Variants in DNASE1 observed in about 807,000 individuals in gnomAD.
DNASE1 encodes deoxyribonuclease 1.
A neutral mutation model predicts 33.9 loss-of-function variants in DNASE1; 40 were observed. That is an observed-to-expected ratio of 1.18 (90% CI 0.92 to 1.54). The LOEUF is 1.54. Among genes scored for constraint, DNASE1 ranks in the 40% most tolerant of loss-of-function variants. The pLI is 0.00. For missense variants in DNASE1, 518 were observed against 372.6 expected, an observed-to-expected ratio of 1.39 and a Z score of -3.21; for synonymous variants, 216 against 160.0, an observed-to-expected ratio of 1.35 and a Z score of -2.64.
exon 10 of DNASE1, chr16:3,663,432 C>A: frequency 6.2e-7 from 1 of 1,614,150 alleles, no homozygotes; most frequent in Non-Finnish European, 8.5e-7. Context: ...ACCTGGGGAC[C>A]TGTCCTCAAA....
chr16:3,648,811 T>G (rs959665301), intron 1 of DNASE1, among the ~76,000 whole-genome samples: 1 of 152,224 alleles, frequency 6.6e-6, no homozygotes, highest in African/African-American at 2.4e-5. Context: ...AATAAAAGAT[T>G]GGATGTTTTA....
intron 1 of DNASE1, among the ~76,000 whole-genome samples, chr16:3,622,823 G>A (rs1285666618): frequency 6.6e-6 from 1 of 152,052 alleles, no homozygotes; most frequent in Non-Finnish European, 1.5e-5. Flanking sequence ...AACTTTTCTT[G>A]TATGCACATA....
chr16:3,657,762 C>T lies in DNASE1; in HGVS notation c.747C>T (p.Pro249=), dbSNP rs201975812. 316 of 1,613,906 alleles carry T rather than the reference C, an allele frequency of 2.0e-4. 2 individuals are homozygous for T. The Admixed American group carries it at 4.0e-3, about 20-fold the overall frequency. ...AGMLLRGAVV[P]DSALPFNFQA... Reference sequence around the variant, plus strand: ...TGCTGCTCCGAGGCGCCGTTGTTCCCGACTCGGCTCTTCCCTTTAACTTCC... The same window carrying T: ...TGCTGCTCCGAGGCGCCGTTGTTCCTGACTCGGCTCTTCCCTTTAACTTCC... Residue 249 remains proline (P), a synonymous_variant, in exon 8 of 9, where the codon CCC becomes CCT. Transcript: ENST00000246949.
intron 1 of DNASE1, among the ~76,000 whole-genome samples, chr16:3,618,725 G>A (rs188972061): frequency 5.9e-5 from 9 of 152,224 alleles, no homozygotes; most frequent in East Asian, 5.8e-4. Context: ...ATGAAACTCC[G>A]TCAAAAAGAA....
chr16:3,624,915 G>A (rs189844413), intron 1 of DNASE1, among the ~76,000 whole-genome samples: 6 of 152,060 alleles, frequency 3.9e-5, no homozygotes, highest in South Asian at 4.1e-4. Context: ...GCCCAGGCTC[G>A]TCTCGAACTG....
At chr16:3,662,236 C>CGGG, downstream of DNASE1, 1 of 1,439,452 alleles carries the variant, frequency 6.9e-7, no homozygotes, top group Non-Finnish European at 9.4e-7. Context: ...AGGTAGCAGG[C>CGGG]GGGGTCTCAA....
intron 1 of DNASE1, among the ~76,000 whole-genome samples, chr16:3,625,825 C>T (rs2041491241): frequency 6.6e-6 from 1 of 152,052 alleles, no homozygotes; most frequent in Non-Finnish European, 1.5e-5. Context: ...AAGGGCTGTG[C>T]ATGGTGGCTC....
intron 1 of DNASE1, among the ~76,000 whole-genome samples, chr16:3,644,762 A>G (rs906276435): frequency 4.6e-5 from 7 of 151,264 alleles, no homozygotes; most frequent in African/African-American, 1.7e-4. Context: ...TAAAAAATCC[A>G]GTAGGTGTAT....
At chr16:3,619,683 A>C (rs1233344313) in intron 1 of DNASE1, among the ~76,000 whole-genome samples, 1 of 151,288 alleles carries the variant, frequency 6.6e-6, no homozygotes, top group East Asian at 2.0e-4. Context: ...TTAAAAAAAA[A>C]ATTTTTTTTG....
downstream of DNASE1, chr16:3,660,974 T>C (rs913124123): frequency 6.6e-6 from 1 of 152,128 alleles, no homozygotes; most frequent in Non-Finnish European, 1.5e-5. Context: ...GGTAAGTCTA[T>C]GGATTTTGAT....
exon 10 of DNASE1, chr16:3,664,340 G>A (rs777754527): frequency 2.1e-5 from 34 of 1,612,530 alleles, no homozygotes; most frequent in Admixed American, 1.5e-4. Flanking sequence ...GGTTGGGGGC[G>A]CACAGGTAGT....
intron 1 of DNASE1, among the ~76,000 whole-genome samples, chr16:3,617,868 C>G (rs985838566): frequency 2.0e-5 from 3 of 151,364 alleles, no homozygotes; most frequent in African/African-American, 7.4e-5. Context: ...CTTCACCAGA[C>G]AGAGTCTGCC....
intron 1 of DNASE1, among the ~76,000 whole-genome samples, chr16:3,636,840 C>G (rs979883368): frequency 2.6e-5 from 4 of 151,078 alleles, no homozygotes; most frequent in African/African-American, 9.7e-5. Context: ...GAAAAAAAAA[C>G]AGGCCAGGCA....
At chr16:3,636,638 G>A (rs968642092) in intron 1 of DNASE1, among the ~76,000 whole-genome samples, 4 of 151,558 alleles carry the variant, frequency 2.6e-5, no homozygotes, top group South Asian at 2.1e-4. Flanking sequence ...CCTGGGCAAC[G>A]TAGAGACCCC....
chr16:3,628,709 C>A (rs1190196600), intron 1 of DNASE1, among the ~76,000 whole-genome samples: 2 of 151,406 alleles, frequency 1.3e-5, no homozygotes, highest in African/African-American at 4.8e-5. Context: ...TAGGCGCCCG[C>A]CACCACGCCC....
At chr16:3,664,548 T>C in exon 10 of DNASE1, 1 of 1,372,788 alleles carries the variant, frequency 7.3e-7, no homozygotes, top group Non-Finnish European at 9.8e-7. Flanking sequence ...CCGATGCCCA[T>C]GGCCTCCTGG....
At chr16:3,658,233 G>C, downstream of DNASE1, 24 of 1,612,490 alleles carry the variant, frequency 1.5e-5, no homozygotes, top group Non-Finnish European at 2.0e-5. Flanking sequence ...TCGTATATCT[G>C]AAAGGCAAGA....
At chr16:3,656,589 G>C (rs774274448) in intron 4 of DNASE1, 49 bp from the exon 5 acceptor site, 9 of 1,511,216 alleles carry the variant, frequency 6.0e-6, no homozygotes, top group East Asian at 2.4e-5. Context: ...AGCAGGAGTG[G>C]GGCAGCTTCC....
exon 10 of DNASE1, chr16:3,663,599 G>A (rs1272281130): frequency 6.2e-7 from 1 of 1,611,148 alleles, no homozygotes; most frequent in South Asian, 1.1e-5. Context: ...CAGACCCCGG[G>A]GGCCTCCAGC....
Sources: gnomAD v4.1 joint callset for allele counts (sites outside exome capture counted in the v4.1 genomes callset) on GRCh38, gnomAD v4.1.1 for gene constraint, MANE v1.5 for transcripts, NCBI Gene and HGNC (gene_info 2026-07-23, HGNC 2026-07-21) for gene names.